The following ABCC2 variants were observed in gnomAD, a reference collection of about 807,000 sequenced individuals.
The protein encoded by ABCC2 is ATP binding cassette subfamily C member 2.
Under a neutral mutation model 173.4 loss-of-function variants are expected in ABCC2, and 157 were observed. The observed-to-expected ratio is 0.91, with a 90% confidence interval of 0.80 to 1.03. The LOEUF (loss-of-function observed/expected upper bound fraction) is 1.03, where lower values mean the gene tolerates loss of function less well. Among genes scored for constraint, ABCC2 ranks in the 50% least tolerant of loss-of-function variants. The pLI, the probability that ABCC2 is intolerant of heterozygous loss-of-function variation, is 0.00. For synonymous variants in ABCC2, 657 were observed against 693.5 expected, an observed-to-expected ratio of 0.95 and a Z score of 0.83; for missense variants, 1,822 against 1,852.3, an observed-to-expected ratio of 0.98 and a Z score of 0.30.
At position 99,851,660 on chromosome 10, in the gene ABCC2, T is replaced by C. The variant is rs1357729429; in HGVS notation, c.*29T>C. The C allele has an allele frequency of 6.3e-7, 1 of 1,594,968 alleles. No homozygotes were observed. The highest frequency in any genetic ancestry group is 1.3e-5 in the African/African-American group (1 of 74,368). On this transcript the variant is annotated 3_prime_UTR_variant, in exon 32 of 32. Transcript: ENST00000647814. ...AAGGCCCCATGGGTTAGAAAAGGAC[T>C]ATAAGAATAATTTCTTATTTAATTT...
In ABCC2 at chr10:99,830,834, T is replaced by C; in HGVS notation, c.2866T>C (p.Phe956Leu). The change falls in exon 21 of 32, where the codon TTC becomes CTC. Residue 956 changes from phenylalanine to leucine, a missense_variant. Coordinates refer to ENST00000647814, the MANE Select transcript of ABCC2 (RefSeq NM_000392.5). ...VKGQKLIKKEFIETGKVKFSI... is the reference protein window; with the variant it reads ...VKGQKLIKKELIETGKVKFSI... The stretch of plus-strand genomic sequence containing the variant: ...AGGACAAAAACTAATTAAGAAGGAA[T>C]TCATAGAAACTGGAAAGGTGAACAC... The C allele has an allele frequency of 6.2e-7, 1 of 1,613,078 alleles. No individual in the cohort carries two copies. The highest frequency in any genetic ancestry group is 8.5e-7 in the Non-Finnish European group (1 of 1,179,562).
At position 99,812,280 on chromosome 10, in the gene ABCC2, C is replaced by G. The variant is rs777791678; in HGVS notation, c.1967+678C>G. Among the ~76,000 whole-genome samples the G allele has an allele frequency of 4.3e-4, 66 of 152,246 alleles. 1 individual carries two copies. The highest frequency in any genetic ancestry group is 8.2e-4 in the Non-Finnish European group (56 of 68,042). ...CATGCTCTGAACCTTCCTAACCCAGCAGTTTCCCTTTCCAGAGAGGAAACT... is the reference window on the plus strand; with the variant it reads ...CATGCTCTGAACCTTCCTAACCCAGGAGTTTCCCTTTCCAGAGAGGAAACT... On this transcript the variant is annotated intron_variant, in intron 15 of 31. Coordinates refer to ENST00000647814, the MANE Select transcript of ABCC2 (RefSeq NM_000392.5).
At chr10:99,822,333 A>G (rs2038553233) in intron 19 of ABCC2, among the ~76,000 whole-genome samples, 1 of 150,812 alleles carries the variant, frequency 6.6e-6, no homozygotes, top group Non-Finnish European at 1.5e-5. Context: ...GTTGTGCCCA[A>G]GTTGGCGGCT....
Position 99,800,392 on chromosome 10 carries a change from G to C in ABCC2, c.1038G>C (p.Leu346=), listed in dbSNP as rs1446614770. Reference sequence around the variant, plus strand: ...CTTGGCTTTTCTCTGGCAGATTGCTGATCTCCTTTGCAAGTGACCGTGACA... The same window carrying C: ...CTTGGCTTTTCTCTGGCAGATTGCTCATCTCCTTTGCAAGTGACCGTGACA... ...TFVSPQLLKL[L]ISFASDRDTY... is the part of the protein sequence containing the mutation. Residue 346 remains leucine, a synonymous_variant, in exon 9 of 32, where the codon CTG becomes CTC. Coordinates refer to ENST00000647814, the MANE Select transcript of ABCC2 (RefSeq NM_000392.5). 7 of 1,614,018 alleles carry C rather than the reference G, an allele frequency of 4.3e-6. No homozygotes were observed. The South Asian group carries it at 6.6e-5, about 15-fold the overall frequency.
intron 30 of ABCC2, among the ~76,000 whole-genome samples, chr10:99,847,489 G>A (rs1198539206): frequency 3.3e-5 from 5 of 152,120 alleles, no homozygotes; most frequent in African/African-American, 1.2e-4. Context: ...GTAGTCCCAA[G>A]CTACTCAGGA....
At chr10:99,792,076 A>G (rs2037819326) in intron 2 of ABCC2, among the ~76,000 whole-genome samples, 158 bp from the exon 3 acceptor site, 1 of 152,238 alleles carries the variant, frequency 6.6e-6, no homozygotes, top group Non-Finnish European at 1.5e-5. Context: ...ACATTATTCT[A>G]TCACTTGAAC....
intron 3 of ABCC2, 124 bp downstream of exon 3, chr10:99,792,483 G>A (rs1041634427): frequency 1.8e-5 from 26 of 1,460,748 alleles, no homozygotes; most frequent in Non-Finnish European, 2.4e-5. Flanking sequence ...GATCCATAGT[G>A]AGGCAAAGCT....
chr10:99,834,598 T>C, intron 24 of ABCC2, 63 bp downstream of exon 24: 1 of 1,557,604 alleles, frequency 6.4e-7, no homozygotes, highest in East Asian at 2.2e-5. Context: ...CCAGCCTCTT[T>C]CCTGAGAATC....
At chr10:99,799,132 G>T in intron 7 of ABCC2, 75 bp from the exon 8 acceptor site, 1 of 1,572,420 alleles carries the variant, frequency 6.4e-7, no homozygotes, top group Non-Finnish European at 8.7e-7. Context: ...GGGCTCACAG[G>T]CTGACCACCC....
rs200104823 is a variant in ABCC2 at position 99,800,533 on chromosome 10, G to A, written c.1179G>A (p.Arg393=). The A allele has an allele frequency of 9.3e-6, 15 of 1,614,166 alleles. No homozygotes were observed. The Admixed American group carries it at 1.3e-4, about 14-fold the overall frequency. Residue 393 remains arginine, a synonymous_variant, in exon 9 of 32, where the codon CGG becomes CGA. Coordinates refer to ENST00000647814, the MANE Select transcript of ABCC2 (RefSeq NM_000392.5). ...GCTTCAAGCTGGGTGTAAAAGTACG[G>A]ACAGCTATCATGGCTTCTGTATATA... ...QLCFKLGVKV[R]TAIMASVYKK... is the part of the protein sequence containing the mutation.
At chr10:99,787,213 A>G (rs2037728270) in intron 2 of ABCC2, among the ~76,000 whole-genome samples, 1 of 151,838 alleles carries the variant, frequency 6.6e-6, no homozygotes, top group Non-Finnish European at 1.5e-5. Flanking sequence ...ATGTGCAACC[A>G]TCACCACAGT....
intron 6 of ABCC2, 31 bp downstream of exon 6, chr10:99,794,499 A>G (rs775273971): frequency 6.3e-7 from 1 of 1,577,102 alleles, no homozygotes; most frequent in Admixed American, 1.7e-5. Flanking sequence ...GATTGGCTGT[A>G]TCCTTACTCT....
Position 99,800,381 on chromosome 10 carries a change from G to A in ABCC2, c.1032-5G>A, listed in dbSNP as rs1265833887. 6.2e-7 allele frequency: 1 copy of A among 1,613,962 alleles called. No homozygotes were observed. Among genetic ancestry groups the A allele is most frequent in the Non-Finnish European group, 8.5e-7 (1 of 1,180,006 alleles). ...GGTATAACTAACTTGGCTTTTCTCTGGCAGATTGCTGATCTCCTTTGCAAG... is the reference window on the plus strand; with the variant it reads ...GGTATAACTAACTTGGCTTTTCTCTAGCAGATTGCTGATCTCCTTTGCAAG... On this transcript the variant is annotated splice_polypyrimidine_tract_variant and splice_region_variant and intron_variant, in intron 8 of 31. Transcript: ENST00000647814.
At chr10:99,801,016 C>G (rs1488584792) in intron 9 of ABCC2, among the ~76,000 whole-genome samples, 1 of 152,160 alleles carries the variant, frequency 6.6e-6, no homozygotes, top group Non-Finnish European at 1.5e-5. Flanking sequence ...AAATTGCAGT[C>G]TTGCCGGAGC....
rs367752350 is a variant in ABCC2, at chr10:99,818,876, C to A, written c.2358C>A (p.Asp786Glu). The stretch of plus-strand genomic sequence containing the variant: ...ATTTAGACATCTATCTTCTAGATGA[C>A]CCCCTGTCTGCAGTGGATGCTCATG... ...YQNLDIYLLD[D>E]PLSAVDAHVG... is the part of the protein sequence containing the mutation. The change falls in exon 18 of 32, where the codon GAC becomes GAA. Residue 786 changes from aspartate to glutamate, a missense_variant. Physicochemically the swap from Asp to Glu is conservative, Grantham distance 45 (BLOSUM62 2). Coordinates refer to ENST00000647814, the MANE Select transcript of ABCC2 (RefSeq NM_000392.5). 3.0e-5 allele frequency: 48 copies of A among 1,614,168 alleles called. No individual in the cohort carries two copies. The highest frequency in any genetic ancestry group is 4.0e-5 in the Non-Finnish European group (47 of 1,180,004).
rs2038329434 is a variant in ABCC2 at position 99,814,491 on chromosome 10, A to AT, written c.2094+1347_2094+1348insT. 1.5e-5 allele frequency among the ~76,000 whole-genome samples: 2 copies of AT among 129,816 alleles called. 1 individual carries two copies. The highest frequency in any genetic ancestry group is 5.5e-5 in the African/African-American group (2 of 36,106). 85.2% of individuals were successfully genotyped at this position (129,816 alleles called of 152,430 possible). On this transcript the variant is annotated intron_variant, in intron 16 of 31. Transcript: ENST00000647814. Reference sequence around the variant, plus strand: ...CATATGTGTGTATATACATACACACAAACATATATGTGTGTGTATGTGTAT... The same window carrying AT: ...CATATGTGTGTATATACATACACACATAACATATATGTGTGTGTATGTGTAT...
rs758302747 is a variant in ABCC2 at position 99,836,103 on chromosome 10, T to C, written c.3427T>C (p.Ser1143Pro). Reference sequence around the variant, plus strand: ...TTTTTGTGTCCAGATGTTTTATGTGTCTACCTCCCGCCAGCTGAGGCGTCT... The same window carrying C: ...TTTTTGTGTCCAGATGTTTTATGTGCCTACCTCCCGCCAGCTGAGGCGTCT... ...IYVSVQMFYV[S>P]TSRQLRRLDS... is the part of the protein sequence containing the mutation. The change falls in exon 25 of 32, where the codon TCT becomes CCT. Residue 1143 changes from serine to proline, a missense_variant. Transcript: ENST00000647814. The C allele has an allele frequency of 5.0e-6, 8 of 1,613,548 alleles. No individual in the cohort carries two copies. The highest frequency in any genetic ancestry group is 5.9e-6 in the Non-Finnish European group (7 of 1,180,034).
At chr10:99,793,384 G>C (rs2037840169) in intron 3 of ABCC2, among the ~76,000 whole-genome samples, 167 bp from the exon 4 acceptor site, 1 of 152,138 alleles carries the variant, frequency 6.6e-6, no homozygotes, top group Admixed American at 6.6e-5. Flanking sequence ...GATGGCATGG[G>C]GGTGACATGT....
At chr10:99,803,924 T>A (rs780645580) in intron 9 of ABCC2, 95 bp from the exon 10 acceptor site, 145 of 1,523,780 alleles carry the variant, frequency 9.5e-5, no homozygotes, top group African/African-American at 1.6e-4. Flanking sequence ...ATGGAGCACA[T>A]CCTTCCATTG....
Sources: allele counts gnomAD v4.1 joint callset (sites outside exome capture counted in the v4.1 genomes callset), GRCh38; gene constraint gnomAD v4.1.1; transcripts MANE v1.5; gene names NCBI Gene and HGNC (gene_info 2026-07-23, HGNC 2026-07-21).